The following CFAP46 variants were observed in gnomAD, a reference collection of about 807,000 sequenced individuals.
The protein encoded by CFAP46 is cilia and flagella associated protein 46.
In CFAP46, 245 loss-of-function variants were observed where a neutral mutation model predicts 325.7. The ratio of observed to expected loss-of-function variants is 0.75; its 90% CI spans 0.68 to 0.84. CFAP46 has a LOEUF of 0.84. Among genes scored for constraint, CFAP46 ranks in the 40% least tolerant of loss-of-function variants. CFAP46 has a pLI of 0.00. For synonymous variants in CFAP46, 1,523 were observed against 1,495.9 expected (o/e 1.02, Z -0.42); for missense variants, 3,346 against 3,543.0 (o/e 0.94, Z 1.41).
chr10:132,833,336 G>A (rs772553101), intron 50 of CFAP46, 22 bp downstream of exon 50: 4 of 1,593,080 alleles, frequency 2.5e-6, no homozygotes, highest in Non-Finnish European at 3.4e-6. Flanking sequence ...TACACATTAA[G>A]GTGGCTGAGG....
chr10:132,855,738 C>T (rs542336511), intron 39 of CFAP46, among the ~76,000 whole-genome samples: 5 of 152,298 alleles, frequency 3.3e-5, no homozygotes, highest in African/African-American at 4.8e-5. Context: ...TATCACTTCA[C>T]GCAGAGCATA....
rs779478959 is a variant in CFAP46, at chr10:132,912,626, TCTCTCTCTC to T, written c.2499+20_2499+28del. The T allele has an allele frequency of 1.0e-5, 14 of 1,374,984 alleles. No homozygotes were observed. The highest frequency in any genetic ancestry group is 7.7e-5 in the South Asian group (6 of 77,812). 85.2% of individuals were successfully genotyped at this position (1,374,984 alleles called of 1,614,324 possible). ...TCTCCTCTCTCTCTCTCTCTCTCTC[TCTCTCTCTC>T]GGCATCATGGAGGTGGTACCTCCAC... On this transcript the variant is annotated intron_variant, in intron 19 of 57. Transcript: ENST00000368586.
chr10:132,867,318 C>A (rs1010644199), intron 34 of CFAP46, 57 bp downstream of exon 34: 39 of 1,525,678 alleles, frequency 2.6e-5, no homozygotes, highest in Non-Finnish European at 3.4e-5. Context: ...TGCATGGCCA[C>A]GAGGCACCGG....
At chr10:132,821,205 ATGTGTGCTGTGTGCTGTG>A in intron 50 of CFAP46, among the ~76,000 whole-genome samples, 1 of 73,032 alleles carries the variant, frequency 1.4e-5, no homozygotes, top group South Asian at 4.5e-4. Context: ...GTGAGTGCTG[ATGTGTGCTGTGTGCTGTG>A]TGTGTGCTGA....
chr10:132,814,293 C>G (rs1217596119), intron 53 of CFAP46, 39 bp from the exon 54 acceptor site: 1 of 1,533,914 alleles, frequency 6.5e-7, no homozygotes, highest in South Asian at 1.1e-5. Flanking sequence ...CACGGTGTTT[C>G]ATCAGACACG....
rs1459282639 is a variant in CFAP46 at position 132,810,442 on chromosome 10, G to A, written c.7631C>T (p.Ser2544Leu). 3 of 1,613,590 alleles carry A rather than the reference G, an allele frequency of 1.9e-6. No homozygotes were observed. The highest frequency in any genetic ancestry group is 3.3e-5 in the Admixed American group (2 of 60,024). ...ACCGCCTCGTCGCCACTCATCTTCT[G>A]AAGGAGACGCACTGTTTCTCCAATT... ...EANWRNSASP[S>L]EDEWRRGGEP... Residue 2544 changes from serine (S) to leucine (L), a missense_variant, in exon 57 of 58, where the codon TCA becomes TTA. Transcript: ENST00000368586.
rs1466856794 is a variant in CFAP46, at chr10:132,833,511, C to T, written c.6964G>A (p.Glu2322Lys). Residue 2322 changes from glutamate to lysine, a missense_variant, in exon 50 of 58, where the codon GAG (glutamate) becomes AAG (lysine). Physicochemically the swap from Glu to Lys is moderately conservative, Grantham distance 56 (BLOSUM62 1). Transcript: ENST00000368586. ...ACCAGGACTATCTTATCGGCAACCT[C>T]AGGCTGGACTGTGCCTGGGAAACAG... ...STGQHSTVQP[E>K]VADKIVLVAD... 6.2e-7 allele frequency: 1 copy of T among 1,613,866 alleles called. No individual in the cohort carries two copies. The highest frequency in any genetic ancestry group is 1.7e-5 in the Admixed American group (1 of 60,022).
chr10:132,876,197 A>C lies in CFAP46; in HGVS notation c.4362+615T>G, dbSNP rs1272557652. ...TGCTGATATTGAGGGGAGTGGCATC[A>C]GCAGGGATCTGCGCAGGGCCACTCT... On this transcript the variant is annotated intron_variant, in intron 31 of 57. Coordinates refer to ENST00000368586, the MANE Select transcript of CFAP46 (RefSeq NM_001200049.3). The surrounding 1 kb of genome is among the most constrained non-coding windows in gnomAD (Gnocchi z 4.1). Among the ~76,000 whole-genome samples the C allele has an allele frequency of 6.6e-6, 1 of 152,268 alleles. No individual in the cohort carries two copies. Among genetic ancestry groups the C allele is most frequent in the African/African-American group, 2.4e-5 (1 of 41,472 alleles).
intron 1 of CFAP46, 60 bp downstream of exon 1, chr10:132,942,376 G>GGGATCGGGGC: frequency 7.4e-7 from 1 of 1,347,550 alleles, no homozygotes. Flanking sequence ...CCCCGGGGCG[G>GGGATCGGGGC]GGGTCGTGGC....
intron 50 of CFAP46, among the ~76,000 whole-genome samples, chr10:132,823,327 G>T (rs10870336): frequency 0.96 from 68,554 of 71,402 alleles, 33,808 homozygotes; most frequent in Non-Finnish European, 0.96. Context: ...TGATGTGTGC[G>T]GTGTGCTGAT....
chr10:132,866,645 T>C lies in CFAP46; in HGVS notation c.4744-474A>G, dbSNP rs567219690. ...GCCTACCCCGCATCCCCCCAGCCTC[T>C]CCTCGCTAAGCAGAGCCCCCGGCCT... On this transcript the variant is annotated intron_variant, in intron 34 of 57. Transcript: ENST00000368586. Among the ~76,000 whole-genome samples, 11 of 152,158 alleles carry C rather than the reference T, an allele frequency of 7.2e-5. No individual in the cohort carries two copies. The East Asian group carries it at 1.7e-3, about 24-fold the overall frequency.
At position 132,828,435 on chromosome 10, in the gene CFAP46, T is replaced by G. The variant is rs959961049; in HGVS notation, c.7117+4923A>C. Among the ~76,000 whole-genome samples, 1 of 151,976 alleles carries G rather than the reference T, an allele frequency of 6.6e-6. No individual in the cohort carries two copies. The highest frequency in any genetic ancestry group is 6.6e-5 in the Admixed American group (1 of 15,264). On this transcript the variant is annotated intron_variant, in intron 50 of 57. Coordinates refer to ENST00000368586, the MANE Select transcript of CFAP46 (RefSeq NM_001200049.3). The surrounding 1 kb of genome is among the most constrained non-coding windows in gnomAD (Gnocchi z 4.9). ...ATTCCATTGTGGTTTCCATTTGCAT[T>G]TCCTTGATAATTAATGATGTCGGGC...
chr10:132,821,848 CGCTGA>C (rs1847843554), intron 50 of CFAP46, among the ~76,000 whole-genome samples: 1 of 115,674 alleles, frequency 8.6e-6, no homozygotes, highest in South Asian at 3.0e-4. Flanking sequence ...GCTGTGTGAG[CGCTGA>C]TGTGTGCTGT....
chr10:132,850,451 G>T lies in CFAP46; in HGVS notation c.5764-19C>A, dbSNP rs766227374. 35 of 1,534,236 alleles carry T rather than the reference G, an allele frequency of 2.3e-5. No individual in the cohort carries two copies. The highest frequency in any genetic ancestry group is 2.8e-5 in the Non-Finnish European group (32 of 1,135,186). On this transcript the variant is annotated intron_variant, in intron 40 of 57. Coordinates refer to ENST00000368586, the MANE Select transcript of CFAP46 (RefSeq NM_001200049.3). ...ACCATTGCTTCGAAAAGACAGACATGTTACAGCTGCCACCCCAAGGGCAAC... is the reference window on the plus strand; with the variant it reads ...ACCATTGCTTCGAAAAGACAGACATTTTACAGCTGCCACCCCAAGGGCAAC...
intron 50 of CFAP46, among the ~76,000 whole-genome samples, chr10:132,831,577 A>G (rs1848147659): frequency 6.6e-6 from 1 of 152,150 alleles, no homozygotes; most frequent in South Asian, 2.1e-4. Flanking sequence ...TTTGGATACT[A>G]AGAGATAAGG....
At position 132,922,110 on chromosome 10, in the gene CFAP46, C is replaced by T. The variant is rs1260363596; in HGVS notation, c.1600G>A (p.Ala534Thr). 3 of 1,550,190 alleles carry T rather than the reference C, an allele frequency of 1.9e-6. No homozygotes were observed. In the South Asian group the frequency reaches 3.6e-5, roughly 18 times the overall value. Reference protein sequence around the residue: ...FQIVLDSENEAKVSTGKNRGR... With the variant: ...FQIVLDSENETKVSTGKNRGR... Reference sequence around the variant, plus strand: ...AGCCCAGTGCAGAGCTCACCTTTGGCCTCATTCTCACTGTCCAGCACAATC... The same window carrying T: ...AGCCCAGTGCAGAGCTCACCTTTGGTCTCATTCTCACTGTCCAGCACAATC... Residue 534 changes from alanine (A) to threonine (T), a missense_variant, in exon 13 of 58, where the codon GCC becomes ACC. Physicochemically the swap from Ala to Thr is moderately conservative, Grantham distance 58. Transcript: ENST00000368586.
chr10:132,867,438 T>C lies in CFAP46; in HGVS notation c.4680A>G (p.Ala1560=). Residue 1560 remains alanine (A), a synonymous_variant, in exon 34 of 58, where the codon GCA becomes GCG. Coordinates refer to ENST00000368586, the MANE Select transcript of CFAP46 (RefSeq NM_001200049.3). ...KEPLLEESLP[A]LNEQTLPVQP... is the part of the protein sequence containing the mutation. ...GGACAGGAAGTGTCTGCTCATTCAG[T>C]GCTGGCAGGCTTTCTTCTAATAAAG... 2 of 1,550,622 alleles carry C rather than the reference T, an allele frequency of 1.3e-6. No individual in the cohort carries two copies. The highest frequency in any genetic ancestry group is 1.7e-6 in the Non-Finnish European group (2 of 1,147,000).
intron 23 of CFAP46, 97 bp downstream of exon 23, chr10:132,899,438 C>T (rs2135479136): frequency 7.0e-7 from 1 of 1,436,468 alleles, no homozygotes; most frequent in Non-Finnish European, 9.2e-7. Context: ...GGAGCCCTCC[C>T]TTGGGCCCAC....
chr10:132,890,670 G>C (rs761781890), intron 25 of CFAP46, among the ~76,000 whole-genome samples: 6 of 151,978 alleles, frequency 3.9e-5, no homozygotes, highest in Non-Finnish European at 7.4e-5. Context: ...TGGGTCTGAG[G>C]CTGTATCCCC....
Sources: allele counts gnomAD v4.1 joint callset (sites outside exome capture counted in the v4.1 genomes callset), GRCh38; gene constraint gnomAD v4.1.1; non-coding constraint Gnocchi (gnomAD v3.1); transcripts MANE v1.5; gene names NCBI Gene and HGNC (gene_info 2026-07-23, HGNC 2026-07-21).